OLFM3: variants seen among roughly 807,000 people sequenced by gnomAD.
The protein encoded by OLFM3 is noelin-3.
OLFM3 carries 20 observed loss-of-function variants against 48.6 expected under a neutral mutation model. That is an observed-to-expected ratio of 0.41 (90% CI 0.29 to 0.60). OLFM3 has a LOEUF of 0.60. Ranked by LOEUF, OLFM3 falls within the 20% of genes least tolerant of loss-of-function variation. OLFM3 has a pLI of 0.28. For missense variants in OLFM3, 437 were observed against 544.3 expected (o/e 0.80, Z 1.96); for synonymous variants, 222 against 198.1 (o/e 1.12, Z -1.01).
chr1:101,830,836 C>G lies in OLFM3; in HGVS notation c.217-9G>C. ...TGGGACATGTTCTGAACCTGTTGAA[C>G]AAGAATATTGTCTGTACATTATTAT... On this transcript the variant is annotated splice_polypyrimidine_tract_variant and intron_variant, in intron 2 of 5. Transcript: ENST00000370103. 1.2e-6 allele frequency: 2 copies of G among 1,611,466 alleles called. No homozygotes were observed. Among genetic ancestry groups the G allele is most frequent in the African/African-American group, 2.7e-5 (2 of 74,756 alleles).
intron 1 of OLFM3, among the ~76,000 whole-genome samples, chr1:101,863,869 C>G (rs1656754785): frequency 4.6e-5 from 7 of 152,084 alleles, no homozygotes; most frequent in Admixed American, 4.6e-4. Context: ...CATCACTGCA[C>G]ATAATGATTT....
At chr1:101,806,623 C>T (rs1354791864) in intron 4 of OLFM3, among the ~76,000 whole-genome samples, 2 of 151,682 alleles carry the variant, frequency 1.3e-5, no homozygotes, top group East Asian at 1.9e-4. Context: ...AAAAACACTA[C>T]CAATTGATTT....
intron 1 of OLFM3, among the ~76,000 whole-genome samples, chr1:101,871,834 A>G (rs1657095285): frequency 6.6e-6 from 1 of 152,128 alleles, no homozygotes; most frequent in African/African-American, 2.4e-5. Context: ...TTACATTAAA[A>G]TTATTTAAAA....
At chr1:101,954,852 A>C (rs1419097030) in intron 1 of OLFM3, among the ~76,000 whole-genome samples, 2 of 152,030 alleles carry the variant, frequency 1.3e-5, no homozygotes, top group African/African-American at 4.8e-5. Context: ...AAGTATGACT[A>C]TTTTCAATGT....
chr1:101,866,818 T>C (rs960917830), intron 1 of OLFM3, among the ~76,000 whole-genome samples: 3 of 152,218 alleles, frequency 2.0e-5, no homozygotes, highest in African/African-American at 7.2e-5. Context: ...GGTAATGGAA[T>C]GTAACATCTC....
In OLFM3 at chr1:101,946,639, T is replaced by C. The variant is rs116574146; in HGVS notation, c.69+50109A>G. The stretch of plus-strand genomic sequence containing the variant: ...TTATTTAGGCATTAATGTAACACTG[T>C]TTATACTGAATATTTATATTAAATA... On this transcript the variant is annotated intron_variant, in intron 1 of 5. Coordinates refer to ENST00000370103, the MANE Select transcript of OLFM3 (RefSeq NM_058170.4). Among the ~76,000 whole-genome samples the C allele has an allele frequency of 6.8e-3, 1,036 of 152,296 alleles. 12 individuals carry two copies. Among genetic ancestry groups the C allele is most frequent in the African/African-American group, 0.023 (970 of 41,572 alleles).
chr1:101,852,085 C>G (rs750650183), intron 1 of OLFM3, among the ~76,000 whole-genome samples: 2 of 152,044 alleles, frequency 1.3e-5, no homozygotes, highest in Non-Finnish European at 2.9e-5. Context: ...TAAATTTTCC[C>G]TCTTTAGCAG....
At chr1:101,895,209 T>A (rs1658151986) in intron 1 of OLFM3, among the ~76,000 whole-genome samples, 1 of 152,122 alleles carries the variant, frequency 6.6e-6, no homozygotes, top group Non-Finnish European at 1.5e-5. Flanking sequence ...TTTACCACTG[T>A]TTTGGACTAA....
At chr1:101,980,310 G>A (rs1661073658) in intron 1 of OLFM3, among the ~76,000 whole-genome samples, 1 of 152,094 alleles carries the variant, frequency 6.6e-6, no homozygotes, top group African/African-American at 2.4e-5. Context: ...GGGGTGGAAT[G>A]ATATGGTTTG....
chr1:101,854,994 C>T (rs980681444), intron 1 of OLFM3, among the ~76,000 whole-genome samples: 3 of 152,044 alleles, frequency 2.0e-5, no homozygotes, highest in Non-Finnish European at 2.9e-5. Context: ...GCATCTTCTA[C>T]CCATCTTCAT....
chr1:101,924,944 G>A (rs983005283), intron 1 of OLFM3, among the ~76,000 whole-genome samples: 6 of 152,196 alleles, frequency 3.9e-5, no homozygotes, highest in African/African-American at 1.4e-4. Context: ...CTATAGTGTG[G>A]ATGTGCACAG....
chr1:101,838,311 G>A (rs1009189960), intron 1 of OLFM3, among the ~76,000 whole-genome samples: 1 of 152,036 alleles, frequency 6.6e-6, no homozygotes, highest in Admixed American at 6.6e-5. Context: ...CAACCGCCTC[G>A]GCCTCCCAAA....
intron 1 of OLFM3, among the ~76,000 whole-genome samples, chr1:101,860,575 C>A (rs886402842): frequency 6.6e-6 from 1 of 151,976 alleles, no homozygotes; most frequent in Non-Finnish European, 1.5e-5. Flanking sequence ...TCTCTTCAAT[C>A]GTTAAAGAAT....
At chr1:101,854,904 C>T (rs1233930112) in intron 1 of OLFM3, among the ~76,000 whole-genome samples, 1 of 152,014 alleles carries the variant, frequency 6.6e-6, no homozygotes, top group Admixed American at 6.6e-5. Flanking sequence ...TAAACTGCTA[C>T]ATAGAAAGCC....
At chr1:101,948,316 T>A (rs1438669324) in intron 1 of OLFM3, among the ~76,000 whole-genome samples, 2 of 152,176 alleles carry the variant, frequency 1.3e-5, no homozygotes, top group African/African-American at 4.8e-5. Flanking sequence ...AGATAATGAA[T>A]GAGCAAATTT....
chr1:101,820,756 C>T (rs1347530347), intron 4 of OLFM3, among the ~76,000 whole-genome samples: 1 of 152,022 alleles, frequency 6.6e-6, no homozygotes, highest in African/African-American at 2.4e-5. Context: ...TTTTTAGCAT[C>T]TTAAAATTCA....
At chr1:101,959,912 C>G (rs1660417069) in intron 1 of OLFM3, among the ~76,000 whole-genome samples, 1 of 152,118 alleles carries the variant, frequency 6.6e-6, no homozygotes, top group Non-Finnish European at 1.5e-5. Context: ...TTTATACTGA[C>G]CCCTAATTAT....
intron 3 of OLFM3, among the ~76,000 whole-genome samples, chr1:101,828,042 G>C (rs371622083): frequency 0.32 from 39,356 of 122,098 alleles, 5,888 homozygotes; most frequent in Non-Finnish European, 0.38. Context: ...CTGTCTGTCT[G>C]TCTGTCTGTC....
chr1:101,990,767 G>A (rs140273458), intron 1 of OLFM3, among the ~76,000 whole-genome samples: 3,180 of 151,522 alleles, frequency 0.021, 40 homozygotes, highest in Middle Eastern at 0.054. Context: ...GGCAGATCAC[G>A]AGGTCAGGAG....
Sources: gnomAD v4.1 joint callset for allele counts (sites outside exome capture counted in the v4.1 genomes callset) on GRCh38, gnomAD v4.1.1 for gene constraint, MANE v1.5 for transcripts, NCBI Gene and HGNC (gene_info 2026-07-23, HGNC 2026-07-21) for gene names.